Variants in GALNTL6 observed in about 807,000 individuals in gnomAD.
GALNTL6 encodes polypeptide N-acetylgalactosaminyltransferase-like 6.
GALNTL6 carries 46 observed loss-of-function variants against 73.7 expected under a neutral mutation model. The observed-to-expected ratio is 0.62, with a 90% CI of 0.49 to 0.80. The LOEUF is 0.80. Ranked by LOEUF, GALNTL6 falls within the 30% of genes least tolerant of loss-of-function variation. The pLI is 0.00. For synonymous variants in GALNTL6, 259 were observed against 263.7 expected, an observed-to-expected ratio of 0.98 and a Z score of 0.17; for missense variants, 604 against 755.0, an observed-to-expected ratio of 0.80 and a Z score of 2.34.
intron 5 of GALNTL6, among the ~76,000 whole-genome samples, chr4:172,705,608 T>A (rs908858558): frequency 2.0e-5 from 3 of 152,074 alleles, no homozygotes; most frequent in Non-Finnish European, 4.4e-5. Context: ...TGGATTTTTT[T>A]TGGTTGTATG....
chr4:172,804,579 C>G (rs536390045), intron 5 of GALNTL6, among the ~76,000 whole-genome samples: 1 of 152,286 alleles, frequency 6.6e-6, no homozygotes, highest in South Asian at 2.1e-4. Flanking sequence ...AGCTGCTGAG[C>G]CTGGGGCAGC....
chr4:172,703,264 C>T (rs567331415), intron 5 of GALNTL6, among the ~76,000 whole-genome samples: 2 of 151,404 alleles, frequency 1.3e-5, no homozygotes, highest in South Asian at 4.2e-4. Context: ...GACCTCTTTG[C>T]CTTGTTCCAG....
intron 5 of GALNTL6, among the ~76,000 whole-genome samples, chr4:172,563,086 T>C (rs1736434244): frequency 6.6e-6 from 1 of 152,250 alleles, no homozygotes; most frequent in Non-Finnish European, 1.5e-5. Context: ...TGAATTAGGT[T>C]GCTCAAGTGT....
rs185705533 is a variant in GALNTL6, at chr4:172,283,612, T to C, written c.248-28002T>C. ...GTATTATTTAATATTTCTTGAATTT[T>C]ATTTGCTATGCTCAAAAGTATTTGG... is the stretch of plus-strand genomic sequence containing the variant. On this transcript the variant is annotated intron_variant, in intron 3 of 12. Transcript: ENST00000506823. Among the ~76,000 whole-genome samples, 84 of 152,256 alleles carry C rather than the reference T, an allele frequency of 5.5e-4. No individual in the cohort carries two copies. The East Asian group carries it at 0.016, about 29-fold the overall frequency.
At chr4:172,926,258 A>G (rs1748052440) in intron 8 of GALNTL6, among the ~76,000 whole-genome samples, 2 of 152,154 alleles carry the variant, frequency 1.3e-5, no homozygotes, top group African/African-American at 4.8e-5. Context: ...CTCTACCCTC[A>G]TAACTTAATC....
At chr4:172,445,561 G>T (rs1227871460) in intron 5 of GALNTL6, among the ~76,000 whole-genome samples, 1 of 152,124 alleles carries the variant, frequency 6.6e-6, no homozygotes, top group African/African-American at 2.4e-5. Flanking sequence ...TAATTGAATA[G>T]ATGTAACTGA....
intron 7 of GALNTL6, among the ~76,000 whole-genome samples, chr4:172,843,859 G>A (rs1191638465): frequency 6.6e-6 from 1 of 152,098 alleles, no homozygotes; most frequent in Non-Finnish European, 1.5e-5. Flanking sequence ...AGGAGTTCCT[G>A]ACCAGCCTGG....
At chr4:172,031,681 GT>G (rs1324395350) in intron 2 of GALNTL6, among the ~76,000 whole-genome samples, 2 of 151,920 alleles carry the variant, frequency 1.3e-5, no homozygotes, top group East Asian at 3.9e-4. Context: ...AGGCAGCCAA[GT>G]TCTCTGGCTT....
At chr4:172,761,669 T>TTCTCTCTCTCTCTCTC (rs33989573) in intron 5 of GALNTL6, among the ~76,000 whole-genome samples, 123 of 147,270 alleles carry the variant, frequency 8.4e-4, no homozygotes, top group African/African-American at 2.3e-3. Flanking sequence ...CTTGCTCTCT[T>TTCTCTCTCTCTCTCTC]TCTCTCTCTC....
chr4:171,886,590 G>A (rs1560826674), intron 2 of GALNTL6, among the ~76,000 whole-genome samples: 1 of 152,156 alleles, frequency 6.6e-6, no homozygotes, highest in Non-Finnish European at 1.5e-5. Flanking sequence ...GAGGTTTAAT[G>A]CACTTCCAGT....
intron 2 of GALNTL6, among the ~76,000 whole-genome samples, chr4:171,856,040 A>T (rs1338791730): frequency 6.6e-6 from 1 of 152,086 alleles, no homozygotes; most frequent in Non-Finnish European, 1.5e-5. Context: ...AATTTTTCCC[A>T]ATTGTGTCTT....
chr4:172,271,959 A>AT (rs58309766), intron 3 of GALNTL6, among the ~76,000 whole-genome samples: 24 of 146,648 alleles, frequency 1.6e-4, no homozygotes, highest in East Asian at 3.9e-4. Context: ...ATATATATAT[A>AT]TTTTTTTTTA....
chr4:172,123,701 A>C (rs10005071), intron 2 of GALNTL6, among the ~76,000 whole-genome samples: 60,469 of 151,524 alleles, frequency 0.4, 12,311 homozygotes, highest in Admixed American at 0.42. Context: ...GGGTTTCACC[A>C]TGTTGGCCAG....
chr4:172,707,133 A>G (rs1394425943), intron 5 of GALNTL6, among the ~76,000 whole-genome samples: 1 of 152,052 alleles, frequency 6.6e-6, no homozygotes, highest in East Asian at 1.9e-4. Context: ...TCACAGTTAG[A>G]GTTTTATTCC....
chr4:172,460,327 A>G (rs1422697048), intron 5 of GALNTL6, among the ~76,000 whole-genome samples: 2 of 151,770 alleles, frequency 1.3e-5, no homozygotes, highest in Admixed American at 6.6e-5. Flanking sequence ...CTTCATGACT[A>G]AAACACCAAA....
intron 2 of GALNTL6, among the ~76,000 whole-genome samples, chr4:171,985,653 T>C (rs373003085): frequency 6.6e-6 from 1 of 152,152 alleles, no homozygotes; most frequent in African/African-American, 2.4e-5. Context: ...ATTCCAGGCA[T>C]TTTGATGTTT....
chr4:171,899,488 T>A (rs1737020149), intron 2 of GALNTL6, among the ~76,000 whole-genome samples: 1 of 152,042 alleles, frequency 6.6e-6, no homozygotes. Flanking sequence ...AGCAGGAAAA[T>A]CGTTTATTTA....
intron 4 of GALNTL6, among the ~76,000 whole-genome samples, chr4:172,342,754 T>C (rs1741612656): frequency 6.6e-6 from 1 of 152,224 alleles, no homozygotes; most frequent in African/African-American, 2.4e-5. Flanking sequence ...ACTAAAATGA[T>C]TGATTTCGCT....
intron 5 of GALNTL6, among the ~76,000 whole-genome samples, chr4:172,430,087 A>G (rs1393278119): frequency 1.3e-5 from 2 of 151,714 alleles, no homozygotes; most frequent in African/African-American, 2.4e-5. Context: ...GTATATATAT[A>G]TATACATATA....
Sources: allele counts gnomAD v4.1 joint callset (sites outside exome capture counted in the v4.1 genomes callset), GRCh38; gene constraint gnomAD v4.1.1; transcripts MANE v1.5; gene names NCBI Gene and HGNC (gene_info 2026-07-23, HGNC 2026-07-21).